The following PRAM1 variants were observed in gnomAD, a reference collection of about 807,000 sequenced individuals.
PRAM1 encodes PML-RARA regulated adaptor molecule 1.
In PRAM1, 41 loss-of-function variants were observed where a neutral mutation model predicts 55.3. That is an observed-to-expected ratio of 0.74 (90% CI 0.58 to 0.96). The LOEUF (loss-of-function observed/expected upper bound fraction) is 0.96, where lower values mean the gene tolerates loss of function less well. Among genes scored for constraint, PRAM1 ranks in the 40% least tolerant of loss-of-function variants. PRAM1 has a pLI of 0.00. For synonymous variants in PRAM1, 401 were observed against 387.1 expected (o/e 1.04, Z -0.42); for missense variants, 898 against 892.7 (o/e 1.01, Z -0.08).
At chr19:8,500,741 A>G (rs1342715941) in intron 1 of PRAM1, among the ~76,000 whole-genome samples, 1 of 152,130 alleles carries the variant, frequency 6.6e-6, no homozygotes, top group Middle Eastern at 3.2e-3. Context: ...TTCTTATTAG[A>G]GAGGCCATCC....
Position 8,490,600 on chromosome 19 carries a change from C to G in PRAM1, c.1900G>C (p.Gly634Arg). The G allele has an allele frequency of 2.5e-6, 4 of 1,586,140 alleles. No individual in the cohort carries two copies. The highest frequency in any genetic ancestry group is 3.4e-6 in the Non-Finnish European group (4 of 1,166,184). The change falls in exon 7 of 10, where the codon GGC becomes CGC. Residue 634 changes from glycine (G) to arginine (R), a missense_variant. Physicochemically the swap from Gly to Arg is moderately radical, Grantham distance 125. Coordinates refer to ENST00000423345, the MANE Select transcript of PRAM1 (RefSeq NM_032152.5). This position sits in a 1 kb window ranked among gnomAD's most constrained non-coding sequence, Gnocchi z 7.3. ...CGGGGCCGGGCGCACTCACATTTGC[C>G]TTTGGGGTCCCGGCACAGCATCTCC... ...NEEMLCRDPK[G>R]KYGYVPRTAL...
In PRAM1 at chr19:8,499,253, G is replaced by A. The variant is rs767964455; in HGVS notation, c.555C>T (p.Ser185=). Residue 185 remains serine, a synonymous_variant, in exon 2 of 10, where the codon TCC becomes TCT. Transcript: ENST00000423345. The stretch of plus-strand genomic sequence containing the variant: ...GCCAGAGCTTCCTGGGGAATGCGCC[G>A]GATTTGGGTTCGGAGGGGGGTCTGG... ...HPARPPSEPK[S]GAFPRKLWQP... is the part of the protein sequence containing the mutation. The A allele has an allele frequency of 7.4e-5, 120 of 1,611,070 alleles. No individual in the cohort carries two copies. The highest frequency in any genetic ancestry group is 1.6e-4 in the Middle Eastern group (1 of 6,066).
At position 8,497,113 on chromosome 19, in the gene PRAM1, C is replaced by T. The variant is rs114600780; in HGVS notation, c.1576+651G>A. 8.8e-3 allele frequency among the ~76,000 whole-genome samples: 1,333 copies of T among 151,306 alleles called. 20 individuals are homozygous for T. The highest frequency in any genetic ancestry group is 0.031 in the African/African-American group (1,295 of 41,148). On this transcript the variant is annotated intron_variant, in intron 4 of 9. Coordinates refer to ENST00000423345, the MANE Select transcript of PRAM1 (RefSeq NM_032152.5). ...TCTTGTCGTCAACCCAGGGGCGGCT[C>T]TGTCATGCCCTTGGGTGCTAGGCTT... is the stretch of plus-strand genomic sequence containing the variant.
At chr19:8,501,062 C>T (rs1054429135) in intron 1 of PRAM1, among the ~76,000 whole-genome samples, 5 of 151,246 alleles carry the variant, frequency 3.3e-5, no homozygotes, top group Middle Eastern at 3.5e-3. Context: ...TGTGAGCCAC[C>T]GTGCCCAACC....
rs1599883824 is a variant in PRAM1, at chr19:8,499,663, G to C, written c.145C>G (p.Gln49Glu). 2 of 1,613,842 alleles carry C rather than the reference G, an allele frequency of 1.2e-6. No individual in the cohort carries two copies. The highest frequency in any genetic ancestry group is 4.5e-5 in the East Asian group (2 of 44,862). The change falls in exon 2 of 10, where the codon CAG (glutamine) becomes GAG (glutamate). Residue 49 changes from glutamine to glutamate, a missense_variant. Gln to Glu is a conservative substitution (Grantham distance 29). This residue lies in a region of PRAM1 where 79 missense variants were observed against 93.4 expected (regional missense o/e 0.85). Coordinates refer to ENST00000423345, the MANE Select transcript of PRAM1 (RefSeq NM_032152.5). ...PEFGKLKKFS[Q>E]PELSEHPKKA... The stretch of plus-strand genomic sequence containing the variant: ...TTGGGGTGCTCGCTTAGCTCAGGCT[G>C]GGAGAACTTCTTCAGTTTACCAAAC...
At chr19:8,501,569 G>T (rs573244648) in intron 1 of PRAM1, among the ~76,000 whole-genome samples, 1 of 128,730 alleles carries the variant, frequency 7.8e-6, no homozygotes, top group East Asian at 2.3e-4. Context: ...CTCAGCCTCT[G>T]CAAGGCAGAG....
At chr19:8,501,973 T>C (rs1971812394) in intron 1 of PRAM1, among the ~76,000 whole-genome samples, 2 of 152,100 alleles carry the variant, frequency 1.3e-5, no homozygotes, top group African/African-American at 2.4e-5. Flanking sequence ...GTCAAGGAGA[T>C]TGGGGGAGGG....
In PRAM1 at chr19:8,497,021, A is replaced by G. The variant is rs150048962; in HGVS notation, c.1576+743T>C. On this transcript the variant is annotated intron_variant, in intron 4 of 9. Coordinates refer to ENST00000423345, the MANE Select transcript of PRAM1 (RefSeq NM_032152.5). ...AGCCTGGGTGACAGAGCGAGACTCC[A>G]TCTCAAAAAATAAATAAATAAATGA... Among the ~76,000 whole-genome samples, 774 of 152,264 alleles carry G rather than the reference A, an allele frequency of 5.1e-3. 6 individuals carry two copies. Among genetic ancestry groups the G allele is most frequent in the Middle Eastern group, 0.014 (4 of 294 alleles).
intron 4 of PRAM1, among the ~76,000 whole-genome samples, chr19:8,496,795 T>C (rs1264910749): frequency 1.3e-5 from 2 of 151,674 alleles, no homozygotes; most frequent in Non-Finnish European, 2.9e-5. Flanking sequence ...CCCAGCACTT[T>C]GGGAGGCCAA....
chr19:8,498,265 G>C lies in PRAM1; in HGVS notation c.1457C>G (p.Ala486Gly), dbSNP rs1180048707. 3 of 1,612,622 alleles carry C rather than the reference G, an allele frequency of 1.9e-6. No homozygotes were observed. The highest frequency in any genetic ancestry group is 2.5e-6 in the Non-Finnish European group (3 of 1,179,572). ...SIDLRRTRSA[A>G]GLHFQDRQPE... ...CTGTCGGTCCTGGAAGTGGAGCCCA[G>C]CGGCCGAGCGGGTCCTCCGTAGATC... Residue 486 changes from alanine to glycine, a missense_variant, in exon 3 of 10, where the codon GCT (alanine) becomes GGT (glycine). Physicochemically the swap from Ala to Gly is moderately conservative, Grantham distance 60. This residue lies in a region of PRAM1 where 787 missense variants were observed against 735.4 expected (regional missense o/e 1.07). Coordinates refer to ENST00000423345, the MANE Select transcript of PRAM1 (RefSeq NM_032152.5).
At chr19:8,498,110 C>T in intron 3 of PRAM1, 113 bp downstream of exon 3, 1 of 1,169,868 alleles carries the variant, frequency 8.5e-7, no homozygotes, top group Non-Finnish European at 1.2e-6. Context: ...GAACTCCTGA[C>T]TTCAGGAGAT....
Position 8,497,844 on chromosome 19 carries a change from C to T in PRAM1, c.1500-4G>A, listed in dbSNP as rs1253837425. The T allele has an allele frequency of 2.4e-5, 26 of 1,075,922 alleles. No individual in the cohort carries two copies. Among genetic ancestry groups the T allele is most frequent in the East Asian group, 6.0e-5 (2 of 33,400 alleles). 66.6% of individuals were successfully genotyped at this position (1,075,922 alleles called of 1,614,324 possible). ...CTCGTAGATCTCATCTGGGACCCTG[C>T]GGGGATACCTGAGATGAGGCCTCTT... On this transcript the variant is annotated splice_polypyrimidine_tract_variant and splice_region_variant and intron_variant, in intron 3 of 9. Transcript: ENST00000423345.
At chr19:8,497,936 A>C in intron 3 of PRAM1, 96 bp from the exon 4 acceptor site, 1 of 881,616 alleles carries the variant, frequency 1.1e-6, no homozygotes, top group South Asian at 1.8e-5. Flanking sequence ...GGAGTGGTGC[A>C]GGGGCATGAT....
intron 4 of PRAM1, chr19:8,491,445 C>G (rs1214031253): frequency 2.0e-6 from 1 of 507,830 alleles, no homozygotes; most frequent in African/African-American, 1.9e-5. Flanking sequence ...GTGGGCCAGG[C>G]TGGTCTTGAA....
chr19:8,491,080 A>AC lies in PRAM1; in HGVS notation c.1634+19dup. On this transcript the variant is annotated intron_variant, in intron 5 of 9. Coordinates refer to ENST00000423345, the MANE Select transcript of PRAM1 (RefSeq NM_032152.5). The stretch of plus-strand genomic sequence containing the variant: ...CCTGGAGCTCGCCCCCCGTCTGCCC[A>AC]CCCCCTCTGCCCATGGCACCTGAGC... 1 of 1,611,182 alleles carries AC rather than the reference A, an allele frequency of 6.2e-7. No individual in the cohort carries two copies.
intron 4 of PRAM1, among the ~76,000 whole-genome samples, chr19:8,496,599 C>G (rs2145790479): frequency 6.6e-6 from 1 of 152,072 alleles, no homozygotes; most frequent in Non-Finnish European, 1.5e-5. Context: ...GTGGCACGTG[C>G]CTGTAATCCC....
At chr19:8,491,644 C>T (rs77971649) in intron 4 of PRAM1, 3,690 of 197,862 alleles carry the variant, frequency 0.019, 144 homozygotes, top group African/African-American at 0.077. Context: ...AAGCCTTTCT[C>T]AGGGGTCATG....
In PRAM1 at chr19:8,490,648, C is replaced by T; in HGVS notation, c.1852G>A (p.Val618Met). The change falls in exon 7 of 10, where the codon GTG (valine) becomes ATG (methionine). Residue 618 changes from valine (V) to methionine (M), a missense_variant. By Grantham distance (21) the Val-to-Met change is conservative. Coordinates refer to ENST00000423345, the MANE Select transcript of PRAM1 (RefSeq NM_032152.5). The surrounding 1 kb of genome is among the most constrained non-coding windows in gnomAD (Gnocchi z 7.3). The part of the protein sequence containing the change: ...LGIRRGEILE[V>M]IEFTSNEEML... ...TCCTCATTGCTGGTGAACTCGATCACCTCCAGGATCTCCCCGCGCCGGATC... is the reference window on the plus strand; with the variant it reads ...TCCTCATTGCTGGTGAACTCGATCATCTCCAGGATCTCCCCGCGCCGGATC... 1 of 1,588,840 alleles carries T rather than the reference C, an allele frequency of 6.3e-7. No individual in the cohort carries two copies. Among genetic ancestry groups the T allele is most frequent in the Non-Finnish European group, 8.6e-7 (1 of 1,167,532 alleles).
rs1010741916 is a variant in PRAM1 at position 8,500,835 on chromosome 19, G to T, written c.28-1055C>A. Among the ~76,000 whole-genome samples the T allele has an allele frequency of 3.3e-5, 5 of 152,084 alleles. No individual in the cohort carries two copies. The South Asian group carries it at 1.0e-3, about 32-fold the overall frequency. On this transcript the variant is annotated intron_variant, in intron 1 of 9. Coordinates refer to ENST00000423345, the MANE Select transcript of PRAM1 (RefSeq NM_032152.5). ...GACTGGAGTGCAATGGCGCGATCTCGGCTCACTGCAATCTCCACTTCCCAG... is the reference window on the plus strand; with the variant it reads ...GACTGGAGTGCAATGGCGCGATCTCTGCTCACTGCAATCTCCACTTCCCAG...
Sources: allele counts gnomAD v4.1 joint callset (sites outside exome capture counted in the v4.1 genomes callset), GRCh38; gene constraint gnomAD v4.1.1; regional missense constraint gnomAD v4.1.1; non-coding constraint Gnocchi (gnomAD v3.1); transcripts MANE v1.5; gene names NCBI Gene and HGNC (gene_info 2026-07-23, HGNC 2026-07-21).